Variants in PAX2 observed in about 807,000 individuals in gnomAD.
PAX2 encodes the protein paired box protein Pax-2.
In PAX2, 9 loss-of-function variants were observed where a neutral mutation model predicts 41.7. That is an observed-to-expected ratio of 0.22 (90% CI 0.13 to 0.38). The LOEUF (loss-of-function observed/expected upper bound fraction) is 0.38, where lower values mean the gene tolerates loss of function less well. Ranked by LOEUF, PAX2 falls within the 10% of genes least tolerant of loss-of-function variation. The pLI, the probability that PAX2 is intolerant of heterozygous loss-of-function variation, is 1.00. For missense variants in PAX2, 418 were observed against 531.6 expected (o/e 0.79, Z 2.10); for synonymous variants, 221 against 212.7 (o/e 1.04, Z -0.34).
intron 7 of PAX2, among the ~76,000 whole-genome samples, chr10:100,818,031 T>C (rs550329753): frequency 3.3e-5 from 5 of 152,228 alleles, no homozygotes; most frequent in Non-Finnish European, 5.9e-5. Flanking sequence ...TAAATGCCTA[T>C]GTCAAATGCA....
At chr10:100,820,560 A>T (rs1848345067) in intron 7 of PAX2, among the ~76,000 whole-genome samples, 1 of 152,168 alleles carries the variant, frequency 6.6e-6, no homozygotes, top group Admixed American at 6.5e-5. Context: ...CTCTACTAAA[A>T]ATACAAAAAT....
intron 3 of PAX2, among the ~76,000 whole-genome samples, chr10:100,775,652 C>G (rs1011601904): frequency 6.6e-6 from 1 of 152,216 alleles, no homozygotes; most frequent in East Asian, 1.9e-4. Context: ...CCAGTTCTCT[C>G]TCTCAGCCAG....
At position 100,778,537 on chromosome 10, in the gene PAX2, G is replaced by A. The variant is rs1198459765; in HGVS notation, c.411-961G>A. Among the ~76,000 whole-genome samples, 4 of 152,298 alleles carry A rather than the reference G, an allele frequency of 2.6e-5. No homozygotes were observed. In the East Asian group the frequency reaches 7.7e-4, roughly 29 times the overall value. ...TGACTCACCTGGCTGGTTGAGGTGA[G>A]CTTGGCTCACATGCCTCTCTGTGGG... On this transcript the variant is annotated intron_variant, in intron 3 of 9. Coordinates refer to ENST00000355243, the MANE Select transcript of PAX2 (RefSeq NM_000278.5).
At position 100,807,866 on chromosome 10, in the gene PAX2, A is replaced by G. The variant is rs535960038; in HGVS notation, c.793-1244A>G. The stretch of plus-strand genomic sequence containing the variant: ...CTGTAGTTCCACTCTTAAGACTCCA[A>G]CAGCTCCCAGCCACTCGCCTTTCTC... On this transcript the variant is annotated intron_variant, in intron 6 of 9. Transcript: ENST00000355243. Among the ~76,000 whole-genome samples the G allele has an allele frequency of 2.3e-4, 35 of 152,242 alleles. No individual in the cohort carries two copies. In the Middle Eastern group the frequency reaches 0.02, roughly 89 times the overall value.
intron 3 of PAX2, among the ~76,000 whole-genome samples, chr10:100,752,970 G>A (rs971811291): frequency 2.0e-5 from 3 of 152,232 alleles, no homozygotes; most frequent in Non-Finnish European, 4.4e-5. Flanking sequence ...AGATGAGGGT[G>A]GGGAAAGAGT....
chr10:100,813,162 G>A (rs1848055980), intron 7 of PAX2, among the ~76,000 whole-genome samples: 1 of 152,236 alleles, frequency 6.6e-6, no homozygotes, highest in Non-Finnish European at 1.5e-5. Flanking sequence ...AGAAGCTAGG[G>A]AAAGCACCAG....
intron 5 of PAX2, among the ~76,000 whole-genome samples, chr10:100,797,684 T>C (rs759827627): frequency 4.1e-4 from 63 of 152,326 alleles, no homozygotes; most frequent in Middle Eastern, 3.4e-3. Flanking sequence ...GAGGTTTGGA[T>C]AGATGGCTGT....
intron 3 of PAX2, among the ~76,000 whole-genome samples, chr10:100,759,593 C>G (rs1845763462): frequency 6.6e-6 from 1 of 152,212 alleles, no homozygotes; most frequent in African/African-American, 2.4e-5. Flanking sequence ...TGCCCTCAGT[C>G]CTGCCTGAAC....
rs755938820 is a variant in PAX2, at chr10:100,746,341, C to T, written c.43+38C>T. ...GCCCGGCTCCTGTCCCGGCTCGGGG[C>T]TCTCCGTCCCAACCCTGTCCAGTCC... On this transcript the variant is annotated intron_variant, in intron 1 of 9. Transcript: ENST00000355243. The T allele has an allele frequency of 3.1e-5, 44 of 1,426,970 alleles. No homozygotes were observed. The South Asian group carries it at 4.3e-4, about 14-fold the overall frequency. 88.4% of individuals were successfully genotyped at this position (1,426,970 alleles called of 1,614,324 possible).
At chr10:100,825,085 T>G in intron 8 of PAX2, 1 of 933,760 alleles carries the variant, frequency 1.1e-6, no homozygotes, top group Non-Finnish European at 1.8e-6. Context: ...CCCAGCCAGC[T>G]GACACTGCTT....
intron 4 of PAX2, 141 bp from the exon 5 acceptor site, chr10:100,781,105 T>C: frequency 1.2e-6 from 1 of 821,342 alleles, no homozygotes; most frequent in Non-Finnish European, 2.2e-6. Flanking sequence ...CCAGAGGAAG[T>C]AGAGGAATGA....
chr10:100,735,922 T>G (rs796649380), intron 1 of PAX2, among the ~76,000 whole-genome samples: 2 of 152,242 alleles, frequency 1.3e-5, no homozygotes, highest in Non-Finnish European at 2.9e-5. Context: ...CGGTGTCCTC[T>G]AAACCTTCTG....
chr10:100,801,185 CA>C lies in PAX2; in HGVS notation c.617-5244del, dbSNP rs555690451. Among the ~76,000 whole-genome samples the C allele has an allele frequency of 8.5e-4, 129 of 152,304 alleles. 1 individual carries two copies. The highest frequency in any genetic ancestry group is 6.8e-3 in the Middle Eastern group (2 of 294). On this transcript the variant is annotated intron_variant, in intron 5 of 9. Transcript: ENST00000355243. Reference sequence around the variant, plus strand: ...ATCCCCAGCAAATGTCCCCTTGAGCCAGTCACTTGCCCTCGCTTCACCTGCA... The same window carrying C: ...ATCCCCAGCAAATGTCCCCTTGAGCCGTCACTTGCCCTCGCTTCACCTGCA...
chr10:100,796,696 G>A (rs4551692), intron 5 of PAX2, among the ~76,000 whole-genome samples: 139,263 of 152,286 alleles, frequency 0.91, 63,734 homozygotes, highest in East Asian at 1. Flanking sequence ...GCTTTCTTCA[G>A]TTCAGATTCT....
At chr10:100,819,268 A>AG (rs1788448664) in intron 7 of PAX2, among the ~76,000 whole-genome samples, 1 of 143,004 alleles carries the variant, frequency 7.0e-6, no homozygotes, top group African/African-American at 2.6e-5. Context: ...AAGGGGGGGG[A>AG]GTTTAAAAAC....
At position 100,827,676 on chromosome 10, in the gene PAX2, C is replaced by G. The variant is rs777250416; in HGVS notation, c.*57C>G. ...GACAGCTTCGGCCTCCACATCGTCC[C>G]CGTCTGACCCCACCCCGGAGGGAGG... On this transcript the variant is annotated 3_prime_UTR_variant, in exon 10 of 10. Coordinates refer to ENST00000355243, the MANE Select transcript of PAX2 (RefSeq NM_000278.5). The surrounding 1 kb of genome is among the most constrained non-coding windows in gnomAD (Gnocchi z 8.5). 3 of 1,613,270 alleles carry G rather than the reference C, an allele frequency of 1.9e-6. No homozygotes were observed. Among genetic ancestry groups the G allele is most frequent in the East Asian group, 2.2e-5 (1 of 44,848 alleles).
At chr10:100,735,791 G>C (rs1844763963) in intron 1 of PAX2, 2 of 995,382 alleles carry the variant, frequency 2.0e-6, no homozygotes, top group Non-Finnish European at 2.4e-6. Context: ...GAGGGATGGG[G>C]GCGGCCATGG....
chr10:100,829,351 C>T lies in PAX2; in HGVS notation c.*1732C>T. On this transcript the variant is annotated 3_prime_UTR_variant, in exon 10 of 10. Coordinates refer to ENST00000355243, the MANE Select transcript of PAX2 (RefSeq NM_000278.5). ...TCTCTCCCCAGACCTGGCCCGGCCG[C>T]CCTGTCTCCGCAGGCTAGATCCGAG... 1 of 219,608 alleles carries T rather than the reference C, an allele frequency of 4.6e-6. No individual in the cohort carries two copies. The highest frequency in any genetic ancestry group is 9.2e-6 in the Non-Finnish European group (1 of 109,068). The allele number at this position is 219,608 out of a possible 1,614,324, so 13.6% of individuals were successfully genotyped here. A position where few individuals can be genotyped will look rare whatever the true frequency, so the allele number is the denominator to read the frequency against.
At chr10:100,747,667 G>A (rs2133827175) in intron 1 of PAX2, 2 of 968,056 alleles carry the variant, frequency 2.1e-6, no homozygotes, top group East Asian at 1.2e-4. Context: ...TGCGGGGGTT[G>A]GGGGGGGCGT....
Sources: gnomAD v4.1 joint callset for allele counts (sites outside exome capture counted in the v4.1 genomes callset) on GRCh38, gnomAD v4.1.1 for gene constraint, Gnocchi (gnomAD v3.1) non-coding constraint, MANE v1.5 for transcripts, NCBI Gene and HGNC (gene_info 2026-07-23, HGNC 2026-07-21) for gene names.